The following CAST variants were observed in gnomAD, a reference collection of about 807,000 sequenced individuals.
CAST encodes the protein MIR583 host.
A neutral mutation model predicts 119.6 loss-of-function variants in CAST; 76 were observed. The observed-to-expected ratio is 0.64, with a 90% CI of 0.53 to 0.77. The LOEUF (loss-of-function observed/expected upper bound fraction) is 0.77, where lower values mean the gene tolerates loss of function less well. CAST is among the 30% of genes least tolerant of loss of function. The probability of loss-of-function intolerance (pLI) is 0.00; values close to 1 mark genes in which losing one functional copy is unlikely to be tolerated. For missense variants in CAST, 953 were observed against 946.5 expected (o/e 1.01, Z -0.09); for synonymous variants, 319 against 331.6 (o/e 0.96, Z 0.41).
intron 18 of CAST, 109 bp downstream of exon 18, chr5:96,747,501 C>A: frequency 1.5e-6 from 1 of 677,140 alleles, no homozygotes; most frequent in Non-Finnish European, 2.6e-6. Context: ...GCATGCTAAC[C>A]TAGTACAGAG....
the CAST span, among the ~76,000 whole-genome samples, chr5:96,097,575 T>C: frequency 6.6e-6 from 1 of 152,190 alleles, no homozygotes; most frequent in Admixed American, 6.5e-5. Flanking sequence ...AGTGACAACA[T>C]GTGGTATTTG....
At position 96,765,246 on chromosome 5, in the gene CAST, C is replaced by A; in HGVS notation, c.1958C>A (p.Ala653Asp). Residue 653 changes from alanine (A) to aspartate (D), a missense_variant, in exon 26 of 32, where the codon GCC (alanine) becomes GAC (aspartate). Transcript: ENST00000675179. ...TSQSDKDLDDALDKLSDSLGQ... is the reference protein window; with the variant it reads ...TSQSDKDLDDDLDKLSDSLGQ... ...CAGAGTGACAAAGACCTCGATGATGCCTTGGATAAACTCTCTGACAGTCTA... is the reference window on the plus strand; with the variant it reads ...CAGAGTGACAAAGACCTCGATGATGACTTGGATAAACTCTCTGACAGTCTA... 6.2e-7 allele frequency: 1 copy of A among 1,603,728 alleles called. No homozygotes were observed. The highest frequency in any genetic ancestry group is 8.5e-7 in the Non-Finnish European group (1 of 1,173,528).
chr5:96,265,749 G>A, the CAST span, among the ~76,000 whole-genome samples: 5 of 152,048 alleles, frequency 3.3e-5, no homozygotes. Context: ...AACCATTCCA[G>A]TGTAGTACAC....
chr5:96,412,534 T>C, the CAST span: 1 of 1,547,988 alleles, frequency 6.5e-7, no homozygotes, highest in Non-Finnish European at 8.9e-7. Context: ...TTGATGTCAG[T>C]ATGTACATGG....
the CAST span, among the ~76,000 whole-genome samples, chr5:96,108,865 C>G: frequency 6.6e-6 from 1 of 152,240 alleles, no homozygotes; most frequent in Non-Finnish European, 1.5e-5. Context: ...CCTGTGCTAG[C>G]AATCAGCGAG....
chr5:96,421,933 A>T, the CAST span: 1 of 1,577,028 alleles, frequency 6.3e-7, no homozygotes, highest in South Asian at 1.1e-5. Context: ...CATTATCATT[A>T]AAATCATAGC....
the CAST span, among the ~76,000 whole-genome samples, chr5:96,361,149 T>C: frequency 6.6e-6 from 1 of 152,192 alleles, no homozygotes; most frequent in Non-Finnish European, 1.5e-5. Context: ...AACTGCCTAC[T>C]CAAGCCTCAG....
intron 1 of CAST, among the ~76,000 whole-genome samples, chr5:96,636,573 C>T (rs929021439): frequency 6.6e-6 from 1 of 152,052 alleles, no homozygotes; most frequent in Non-Finnish European, 1.5e-5. Context: ...TTCAGATACC[C>T]TTAGATTTGT....
At chr5:96,091,272 G>T in the CAST span, among the ~76,000 whole-genome samples, 1 of 150,994 alleles carries the variant, frequency 6.6e-6, no homozygotes, top group African/African-American at 2.4e-5. Context: ...GCACAAGCTT[G>T]GCTCACTGCA....
At chr5:96,651,707 C>T (rs769620541) in intron 1 of CAST, among the ~76,000 whole-genome samples, 7 of 152,190 alleles carry the variant, frequency 4.6e-5, no homozygotes, top group Non-Finnish European at 8.8e-5. Flanking sequence ...CACTTCTGTC[C>T]GTATCTCCCC....
At chr5:96,538,161 A>T (rs988306589) in intron 1 of CAST, among the ~76,000 whole-genome samples, 1 of 152,178 alleles carries the variant, frequency 6.6e-6, no homozygotes, top group Non-Finnish European at 1.5e-5. Flanking sequence ...GGTGTCCTTC[A>T]AGCCTTCCCG....
chr5:96,331,324 A>T, the CAST span, among the ~76,000 whole-genome samples: 1 of 152,192 alleles, frequency 6.6e-6, no homozygotes, highest in African/African-American at 2.4e-5. Context: ...ACAGAACTCC[A>T]TGAAACCAAA....
chr5:96,216,269 T>A, the CAST span, among the ~76,000 whole-genome samples: 4 of 152,110 alleles, frequency 2.6e-5, no homozygotes, highest in Non-Finnish European at 4.4e-5. Context: ...GTCAAAAAAA[T>A]TATATGTGGA....
chr5:96,291,886 G>GTGTGTGTGTGTGTGTGTGTGTGTGT, the CAST span, among the ~76,000 whole-genome samples: 1 of 143,950 alleles, frequency 6.9e-6, no homozygotes, highest in African/African-American at 2.6e-5. Context: ...GTGTGTGTGT[G>GTGTGTGTGTGTGTGTGTGTGTGTGT]GTGGGGAAGG....
the CAST span, among the ~76,000 whole-genome samples, chr5:96,403,154 A>G: frequency 5.9e-5 from 9 of 152,266 alleles, no homozygotes; most frequent in Middle Eastern, 6.8e-3. Context: ...GTAGTAGAGC[A>G]TTTATTTTAT....
the CAST span, among the ~76,000 whole-genome samples, chr5:96,324,268 ATC>A: frequency 6.6e-6 from 1 of 152,104 alleles, no homozygotes; most frequent in Non-Finnish European, 1.5e-5. Context: ...ACATAAATTG[ATC>A]TCTCTGACAT....
intron 2 of CAST, among the ~76,000 whole-genome samples, chr5:96,677,025 G>T (rs1217020852): frequency 6.7e-6 from 1 of 150,158 alleles, no homozygotes; most frequent in Admixed American, 6.6e-5. Context: ...CTGCACTCCA[G>T]CTGGGTGACA....
chr5:96,169,752 G>C, the CAST span, among the ~76,000 whole-genome samples: 1 of 152,086 alleles, frequency 6.6e-6, no homozygotes, highest in Non-Finnish European at 1.5e-5. Context: ...GGAGATACAA[G>C]GGGAGGATGT....
chr5:96,767,388 A>C (rs1476882081), intron 27 of CAST, 50 bp from the exon 28 acceptor site: 2 of 1,493,366 alleles, frequency 1.3e-6, no homozygotes, highest in African/African-American at 2.8e-5. Flanking sequence ...AAACCTAAGT[A>C]AACCTTTACA....
Sources: gnomAD v4.1 joint callset for allele counts (sites outside exome capture counted in the v4.1 genomes callset) on GRCh38, gnomAD v4.1.1 for gene constraint, MANE v1.5 for transcripts, NCBI Gene and HGNC (gene_info 2026-07-23, HGNC 2026-07-21) for gene names.